DAB1: variants seen among roughly 807,000 people sequenced by gnomAD.
The protein encoded by DAB1 is DAB adaptor protein 1, also known as disabled homolog 1.
In DAB1, 15 loss-of-function variants were observed where a neutral mutation model predicts 64.6. The observed-to-expected ratio is 0.23, with a 90% CI of 0.16 to 0.36. DAB1 has a LOEUF of 0.36. Ranked by LOEUF, DAB1 falls within the 10% of genes least tolerant of loss-of-function variation. The pLI, the probability that DAB1 is intolerant of heterozygous loss-of-function variation, is 1.00. For missense variants in DAB1, 596 were observed against 706.7 expected (o/e 0.84, Z 1.78); for synonymous variants, 235 against 251.9 (o/e 0.93, Z 0.64).
chr1:58,175,060 T>C (rs1015624800), intron 4 of DAB1, among the ~76,000 whole-genome samples: 1 of 152,202 alleles, frequency 6.6e-6, no homozygotes, highest in Non-Finnish European at 1.5e-5. Flanking sequence ...AGCAACCTGC[T>C]CGGGTCCCCC....
chr1:57,404,679 G>A (rs1179553639), intron 1 of DAB1, among the ~76,000 whole-genome samples: 2 of 152,120 alleles, frequency 1.3e-5, no homozygotes, highest in African/African-American at 4.8e-5. Context: ...CATTACACTT[G>A]ACTGTAGCCA....
At chr1:58,356,251 T>C (rs891269329) in intron 3 of DAB1, among the ~76,000 whole-genome samples, 1 of 152,146 alleles carries the variant, frequency 6.6e-6, no homozygotes, top group African/African-American at 2.4e-5. Context: ...CCACAACCTG[T>C]ATGTAAAATG....
At chr1:57,089,531 A>G (rs1653434508) in intron 4 of DAB1, among the ~76,000 whole-genome samples, 1 of 152,032 alleles carries the variant, frequency 6.6e-6, no homozygotes, top group African/African-American at 2.4e-5. Flanking sequence ...AGGACCAGGC[A>G]TATCAGATGG....
chr1:58,224,371 C>T (rs996727041), intron 4 of DAB1, among the ~76,000 whole-genome samples: 2 of 152,126 alleles, frequency 1.3e-5, no homozygotes, highest in Admixed American at 6.5e-5. Context: ...GGCAACCTCA[C>T]TAAAGGAACA....
At chr1:58,494,655 G>C (rs1443655803) in intron 3 of DAB1, among the ~76,000 whole-genome samples, 8 of 151,868 alleles carry the variant, frequency 5.3e-5, no homozygotes, top group African/African-American at 1.5e-4. Context: ...GCAGCCAAAA[G>C]ACACATGAAA....
At chr1:57,952,439 T>C (rs1343506746) in intron 5 of DAB1, among the ~76,000 whole-genome samples, 4 of 152,146 alleles carry the variant, frequency 2.6e-5, no homozygotes, top group Non-Finnish European at 4.4e-5. Flanking sequence ...TCTCCATTAT[T>C]ACAACTAAAC....
chr1:57,511,496 C>A (rs1187086476), intron 7 of DAB1, among the ~76,000 whole-genome samples: 5 of 152,224 alleles, frequency 3.3e-5, no homozygotes, highest in African/African-American at 9.6e-5. Context: ...AATATCTCCT[C>A]CATAAATGCT....
rs1645676538 is a variant in DAB1 at position 56,997,569 on chromosome 1, A to AAAAGG, written c.*570_*574dup. ...CCTATTAATTTTCAAACATGACAAA[A>AAAAGG]AAAGGAAAGGGGGGAAAATGGCAGA... On this transcript the variant is annotated 3_prime_UTR_variant, in exon 15 of 15. Coordinates refer to ENST00000371236, the MANE Select transcript of DAB1 (RefSeq NM_001365792.1). 6.6e-6 allele frequency: 1 copy of AAAAGG among 152,234 alleles called. No individual in the cohort carries two copies. Among genetic ancestry groups the AAAAGG allele is most frequent in the Admixed American group, 6.5e-5 (1 of 15,286 alleles). The allele number at this position is 152,234 out of a possible 1,614,324, so 9.4% of individuals were successfully genotyped here. A position where few individuals can be genotyped will look rare whatever the true frequency, so the allele number is the denominator to read the frequency against.
At chr1:57,905,097 G>A (rs1004135286) in intron 5 of DAB1, among the ~76,000 whole-genome samples, 1 of 151,826 alleles carries the variant, frequency 6.6e-6, no homozygotes, top group African/African-American at 2.4e-5. Flanking sequence ...TACAAAATAG[G>A]TACCATTATT....
At chr1:57,249,754 C>G (rs1398949556) in intron 2 of DAB1, among the ~76,000 whole-genome samples, 1 of 152,194 alleles carries the variant, frequency 6.6e-6, no homozygotes, top group Non-Finnish European at 1.5e-5. Context: ...CTAGAATGCT[C>G]TAGTGCTCTT....
At chr1:57,698,978 C>A (rs1462675328) in intron 6 of DAB1, among the ~76,000 whole-genome samples, 1 of 152,178 alleles carries the variant, frequency 6.6e-6, no homozygotes, top group East Asian at 1.9e-4. Context: ...TTCTCCATTG[C>A]CCAGGCTAGA....
chr1:57,949,651 T>C (rs891442755), intron 5 of DAB1, among the ~76,000 whole-genome samples: 1 of 152,158 alleles, frequency 6.6e-6, no homozygotes, highest in Non-Finnish European at 1.5e-5. Context: ...GGAATCCTAC[T>C]GTATGTGGTC....
chr1:57,417,661 T>A (rs1684591120), intron 1 of DAB1, among the ~76,000 whole-genome samples: 1 of 152,190 alleles, frequency 6.6e-6, no homozygotes, highest in Non-Finnish European at 1.5e-5. Flanking sequence ...TCCAAACATT[T>A]TTGAACATGG....
intron 4 of DAB1, among the ~76,000 whole-genome samples, chr1:58,247,730 C>T (rs1314699618): frequency 6.6e-6 from 1 of 151,902 alleles, no homozygotes; most frequent in Non-Finnish European, 1.5e-5. Context: ...GCTAGTATTT[C>T]CCTCTCTGCT....
rs1646028770 is a variant in DAB1 at position 57,980,194 on chromosome 1, C to T, written n.388-96032G>A. ...GTTCATGGCAAGCTTGCCATGCCAA[C>T]CCCAACTCCAACCACTACCACACAC... On this transcript the variant is annotated intron_variant and non_coding_transcript_variant, in intron 5 of 20. Coordinates refer to the DAB1 transcript ENST00000485760. Among the ~76,000 whole-genome samples the T allele has an allele frequency of 2.0e-5, 3 of 152,072 alleles. No homozygotes were observed. The South Asian group carries it at 6.2e-4, about 32-fold the overall frequency.
At chr1:57,057,686 C>T (rs754657578) in intron 9 of DAB1, among the ~76,000 whole-genome samples, 1 of 150,992 alleles carries the variant, frequency 6.6e-6, no homozygotes, top group Non-Finnish European at 1.5e-5. Flanking sequence ...CGGCTCACTG[C>T]AAGCTCTGCC....
At chr1:57,710,569 T>C (rs2101744709) in intron 6 of DAB1, among the ~76,000 whole-genome samples, 1 of 152,308 alleles carries the variant, frequency 6.6e-6, no homozygotes, top group Non-Finnish European at 1.5e-5. Context: ...TTAAAACCTA[T>C]GTCCCCAAGT....
At chr1:57,693,792 C>T (rs1406860190) in intron 6 of DAB1, among the ~76,000 whole-genome samples, 2 of 152,130 alleles carry the variant, frequency 1.3e-5, no homozygotes, top group African/African-American at 4.8e-5. Flanking sequence ...GGAACAAACT[C>T]CAGAAACACC....
chr1:57,292,279 T>C (rs1037228156), intron 1 of DAB1, among the ~76,000 whole-genome samples: 1 of 152,160 alleles, frequency 6.6e-6, no homozygotes, highest in Non-Finnish European at 1.5e-5. Flanking sequence ...AAAAGCCACA[T>C]AAAATTATAG....
Sources: gnomAD v4.1 joint callset for allele counts (sites outside exome capture counted in the v4.1 genomes callset) on GRCh38, gnomAD v4.1.1 for gene constraint, MANE v1.5 for transcripts, NCBI Gene and HGNC (gene_info 2026-07-23, HGNC 2026-07-21) for gene names.